Variants in WWOX observed in about 807,000 individuals in gnomAD.
WWOX encodes the protein WW domain containing oxidoreductase.
A neutral mutation model predicts 46.2 loss-of-function variants in WWOX; 69 were observed. The ratio of observed to expected loss-of-function variants is 1.49; its 90% confidence interval spans 1.23 to 1.82. The LOEUF (loss-of-function observed/expected upper bound fraction) is 1.82, where lower values mean the gene tolerates loss of function less well. Ranked by LOEUF, WWOX falls within the 40% of genes most tolerant of loss-of-function variation. The probability of loss-of-function intolerance (pLI) is 0.00; values close to 1 mark genes in which losing one functional copy is unlikely to be tolerated. For missense variants in WWOX, 919 were observed against 542.6 expected (o/e 1.69, Z -6.89); for synonymous variants, 359 against 202.6 (o/e 1.77, Z -6.56).
intron 8 of WWOX, among the ~76,000 whole-genome samples, chr16:78,631,593 C>T (rs1264696158): frequency 3.4e-5 from 5 of 149,180 alleles, no homozygotes; most frequent in South Asian, 2.1e-4. Context: ...GGGTCTAGCA[C>T]AGTGGCACGA....
chr16:78,788,546 C>G (rs1433653774), intron 8 of WWOX, among the ~76,000 whole-genome samples: 1 of 152,168 alleles, frequency 6.6e-6, no homozygotes, highest in African/African-American at 2.4e-5. Flanking sequence ...TAGCTGAAGA[C>G]AAGGAGGTTC....
chr16:79,180,737 G>C (rs1292104913), intron 8 of WWOX, among the ~76,000 whole-genome samples: 2 of 151,406 alleles, frequency 1.3e-5, no homozygotes, highest in East Asian at 1.9e-4. Context: ...CTATCTGTCT[G>C]TGTATATCTA....
chr16:78,817,449 A>C (rs1275629448), intron 8 of WWOX, among the ~76,000 whole-genome samples: 1 of 152,170 alleles, frequency 6.6e-6, no homozygotes, highest in Non-Finnish European at 1.5e-5. Flanking sequence ...TAAAACTGAA[A>C]GATCTATCGG....
intron 5 of WWOX, among the ~76,000 whole-genome samples, chr16:78,264,215 C>T (rs1240511202): frequency 6.6e-6 from 1 of 151,818 alleles, no homozygotes; most frequent in Non-Finnish European, 1.5e-5. Context: ...TTATAGCCCA[C>T]AAGATAACAT....
rs1022712066 is a variant in WWOX, at chr16:78,435,569, A to C, written c.1056+2817A>C. On this transcript the variant is annotated intron_variant, in intron 8 of 8. Transcript: ENST00000566780. ...TTTGGAGAAAAGTGGTGACATCGCA[A>C]AAATCCCAGGTTTTGTTGAAGTTGT... Among the ~76,000 whole-genome samples the C allele has an allele frequency of 2.0e-5, 3 of 152,204 alleles. No homozygotes were observed. The South Asian group carries it at 6.2e-4, about 31-fold the overall frequency.
intron 8 of WWOX, among the ~76,000 whole-genome samples, chr16:79,034,481 G>C (rs1262227746): frequency 6.6e-6 from 1 of 152,178 alleles, no homozygotes; most frequent in Admixed American, 6.6e-5. Flanking sequence ...TCTTTTGGGG[G>C]CTCTGTTAAG....
At chr16:78,868,240 T>C (rs139338868) in intron 8 of WWOX, among the ~76,000 whole-genome samples, 1,797 of 152,252 alleles carry the variant, frequency 0.012, 27 homozygotes, top group Middle Eastern at 0.024. Context: ...ATAGATGAAC[T>C]TCAAAAACAT....
At chr16:78,606,373 C>T (rs982637092) in intron 8 of WWOX, among the ~76,000 whole-genome samples, 2 of 151,832 alleles carry the variant, frequency 1.3e-5, no homozygotes, top group South Asian at 2.1e-4. Flanking sequence ...ACAAAGGAAA[C>T]GGTTACTTTG....
intron 8 of WWOX, among the ~76,000 whole-genome samples, chr16:78,818,501 C>T (rs554451776): frequency 1.7e-4 from 26 of 152,182 alleles, no homozygotes; most frequent in Admixed American, 3.3e-4. Flanking sequence ...GAGGCCACGG[C>T]AAGAGGATCA....
At chr16:79,083,967 C>T (rs373474396) in intron 8 of WWOX, among the ~76,000 whole-genome samples, 16 of 152,296 alleles carry the variant, frequency 1.1e-4, no homozygotes, top group East Asian at 7.7e-4. Context: ...TTCTGACTCC[C>T]GATCGGAGCC....
At chr16:78,898,886 A>G (rs1037317130) in intron 8 of WWOX, 1 of 152,082 alleles carries the variant, frequency 6.6e-6, no homozygotes, top group African/African-American at 2.4e-5. Flanking sequence ...TGTAAATGGC[A>G]TTATAAAATT....
intron 5 of WWOX, among the ~76,000 whole-genome samples, chr16:78,322,597 AGG>A (rs2080509573): frequency 6.6e-6 from 1 of 152,236 alleles, no homozygotes; most frequent in Admixed American, 6.5e-5. Context: ...ATTCAAACCC[AGG>A]TAGACCTGAA....
intron 8 of WWOX, among the ~76,000 whole-genome samples, chr16:78,533,294 G>A (rs936310260): frequency 8.6e-5 from 13 of 152,010 alleles, no homozygotes; most frequent in Admixed American, 7.9e-4. Context: ...TGTAATCCCA[G>A]CACTTTTGGG....
intron 8 of WWOX, among the ~76,000 whole-genome samples, chr16:78,566,246 C>A (rs1477266996): frequency 6.6e-6 from 1 of 152,172 alleles, no homozygotes; most frequent in Non-Finnish European, 1.5e-5. Context: ...CCTCCAAGTA[C>A]TGTCACACTG....
chr16:79,055,362 T>C (rs1007187699), intron 8 of WWOX, among the ~76,000 whole-genome samples: 1 of 152,200 alleles, frequency 6.6e-6, no homozygotes, highest in Non-Finnish European at 1.5e-5. Context: ...TTCCCTTGTA[T>C]CTAGGCTGCA....
intron 8 of WWOX, among the ~76,000 whole-genome samples, chr16:78,758,032 C>A (rs2049699152): frequency 6.6e-6 from 1 of 152,038 alleles, no homozygotes. Context: ...TCAATCTTTC[C>A]CCACCTTCAC....
chr16:78,215,769 A>G (rs1371731883), intron 5 of WWOX, among the ~76,000 whole-genome samples: 1 of 152,080 alleles, frequency 6.6e-6, no homozygotes, highest in Admixed American at 6.5e-5. Context: ...CTCTACTAAA[A>G]ATACAAAACA....
chr16:78,932,243 A>G (rs114914064), intron 8 of WWOX, among the ~76,000 whole-genome samples: 147 of 152,266 alleles, frequency 9.7e-4, no homozygotes, highest in African/African-American at 3.3e-3. Context: ...ATTGTATCCA[A>G]TTCTTCAGAA....
At chr16:78,110,041 TA>T (rs915747636) in intron 3 of WWOX, among the ~76,000 whole-genome samples, 66 of 144,608 alleles carry the variant, frequency 4.6e-4, no homozygotes, top group South Asian at 8.8e-4. Context: ...CACGCATCCT[TA>T]AAAAAAAAAA....
Sources: allele counts gnomAD v4.1 joint callset (sites outside exome capture counted in the v4.1 genomes callset), GRCh38; gene constraint gnomAD v4.1.1; transcripts MANE v1.5; gene names NCBI Gene and HGNC (gene_info 2026-07-23, HGNC 2026-07-21).